Variants in RSPH10B2 observed in about 807,000 individuals in gnomAD.
The protein encoded by RSPH10B2 is radial spoke head 10 homolog B2.
Under a neutral mutation model 49.0 loss-of-function variants are expected in RSPH10B2, and 9 were observed. The ratio of observed to expected loss-of-function variants is 0.18; its 90% confidence interval spans 0.11 to 0.32. RSPH10B2 has a LOEUF of 0.32. Ranked by LOEUF, RSPH10B2 falls within the 10% of genes least tolerant of loss-of-function variation. RSPH10B2 has a pLI of 1.00. For synonymous variants in RSPH10B2, 35 were observed against 210.2 expected (o/e 0.17, Z 7.21); for missense variants, 95 against 589.9 (o/e 0.16, Z 8.69).
chr7:6,776,903 AC>A lies in RSPH10B2; in HGVS notation c.1414+358del, dbSNP rs1274164049. 1.8e-4 allele frequency among the ~76,000 whole-genome samples: 26 copies of A among 141,362 alleles called. 1 individual carries two copies. The highest frequency in any genetic ancestry group is 6.2e-4 in the African/African-American group (24 of 38,764). The allele number at this position is 141,362 out of a possible 152,430, so 92.7% of individuals were successfully genotyped here. On this transcript the variant is annotated intron_variant, in intron 10 of 18. Transcript: ENST00000297186. Reference sequence around the variant, plus strand: ...CACACACACACACACACACACACACACACACACACACACACACACACACAAA... The same window carrying A: ...CACACACACACACACACACACACACAACACACACACACACACACACACAAA...
chr7:6,781,792 G>A (rs1212195431), intron 13 of RSPH10B2, among the ~76,000 whole-genome samples: 3 of 110,756 alleles, frequency 2.7e-5, no homozygotes, highest in African/African-American at 3.5e-5. Flanking sequence ...CGAGGCGGGC[G>A]GATCACCTGA....
At chr7:6,779,685 T>A in exon 11 of RSPH10B2, 1 of 422,304 alleles carries the variant, frequency 2.4e-6, no homozygotes, top group East Asian at 4.8e-5. Flanking sequence ...TTGAATTACC[T>A]CCTGCATTTG....
intron 18 of RSPH10B2, among the ~76,000 whole-genome samples, chr7:6,797,864 A>ATAC (rs1370266545): frequency 2.8e-5 from 2 of 71,352 alleles, no homozygotes; most frequent in African/African-American, 1.4e-4. Context: ...AAAAAAAAAA[A>ATAC]ATACACACAC....
intron 18 of RSPH10B2, among the ~76,000 whole-genome samples, chr7:6,797,711 C>T (rs1474149625): frequency 6.6e-6 from 1 of 151,584 alleles, no homozygotes; most frequent in African/African-American, 2.4e-5. Flanking sequence ...AAAATTTAGC[C>T]AGATGTGGTG....
intron 7 of RSPH10B2, among the ~76,000 whole-genome samples, chr7:6,770,439 CGT>C (rs1781592482): frequency 9.9e-6 from 1 of 100,918 alleles, no homozygotes; most frequent in African/African-American, 3.9e-5. Context: ...GATGAAACCC[CGT>C]CTCTACTAAA....
intron 11 of RSPH10B2, among the ~76,000 whole-genome samples, chr7:6,780,012 G>A (rs1226237824): frequency 2.6e-5 from 3 of 116,378 alleles, no homozygotes; most frequent in Middle Eastern, 4.4e-3. Context: ...TAGTAGAGAC[G>A]GGGTTTCACC....
chr7:6,782,875 C>T lies in RSPH10B2; in HGVS notation c.1758+1399C>T, dbSNP rs1363302792. On this transcript the variant is annotated intron_variant, in intron 13 of 18. Coordinates refer to ENST00000297186, the Ensembl canonical transcript of RSPH10B2. ...TCCAGTCTAGGCAACAAGAGCAGAA[C>T]TCTGTCTCAAAAAAAAACTAAGGAA... Among the ~76,000 whole-genome samples, 3 of 120,458 alleles carry T rather than the reference C, an allele frequency of 2.5e-5. 1 individual carries two copies. The highest frequency in any genetic ancestry group is 1.8e-4 in the Admixed American group (2 of 11,038). The allele number at this position is 120,458 out of a possible 152,430, so 79.0% of individuals were successfully genotyped here.
chr7:6,764,704 GTTGT>G (rs1157396694), intron 4 of RSPH10B2, among the ~76,000 whole-genome samples: 1 of 148,446 alleles, frequency 6.7e-6, no homozygotes, highest in African/African-American at 2.5e-5. Flanking sequence ...TTGTGTTGTT[GTTGT>G]TGTGTGTGTG....
chr7:6,780,833 G>A lies in RSPH10B2; in HGVS notation c.1554G>A (p.Leu518=), dbSNP rs772483823. 3 of 1,499,562 alleles carry A rather than the reference G, an allele frequency of 2.0e-6. 1 individual carries two copies. Among genetic ancestry groups the A allele is most frequent in the Admixed American group, 2.0e-5 (1 of 50,098 alleles). 92.9% of individuals were successfully genotyped at this position (1,499,562 alleles called of 1,614,324 possible). The change falls in exon 12 of 19, where the codon TTG becomes TTA. Residue 518 remains leucine, a synonymous_variant. Coordinates refer to ENST00000297186, the Ensembl canonical transcript of RSPH10B2. Reference sequence around the variant, plus strand: ...GAAAGAGAAGCCCATCCCTCTTCTTGTGTTTTACAAAACTGATGACCGAGA... The same window carrying A: ...GAAAGAGAAGCCCATCCCTCTTCTTATGTTTTACAAAACTGATGACCGAGA...
At chr7:6,793,052 C>T (rs1182347142) in intron 17 of RSPH10B2, among the ~76,000 whole-genome samples, 2 of 107,594 alleles carry the variant, frequency 1.9e-5, no homozygotes, top group African/African-American at 3.8e-5. Flanking sequence ...TGAGCCCACC[C>T]GCCCCTGGGC....
At chr7:6,781,972 G>C (rs1184972936) in intron 13 of RSPH10B2, among the ~76,000 whole-genome samples, 1 of 110,596 alleles carries the variant, frequency 9.0e-6, no homozygotes, top group Non-Finnish European at 1.8e-5. Flanking sequence ...GGAGTGCAAT[G>C]AAGTGATCTT....
In RSPH10B2 at chr7:6,782,894, T is replaced by TCTGTCTCAAAAAAAAAA; in HGVS notation, c.1758+1418_1758+1419insCTGTCTCAAAAAAAAAA. Among the ~76,000 whole-genome samples the TCTGTCTCAAAAAAAAAA allele has an allele frequency of 2.4e-5, 3 of 122,530 alleles. 1 individual carries two copies. In the South Asian group the frequency reaches 1.0e-3, roughly 41 times the overall value. 80.4% of individuals were successfully genotyped at this position (122,530 alleles called of 152,430 possible). On this transcript the variant is annotated intron_variant, in intron 13 of 18. Coordinates refer to ENST00000297186, the Ensembl canonical transcript of RSPH10B2. The stretch of plus-strand genomic sequence containing the variant: ...GCAGAACTCTGTCTCAAAAAAAAAC[T>TCTGTCTCAAAAAAAAAA]AAGGAAGTGGGGAGGATGGATATCA...
intron 4 of RSPH10B2, among the ~76,000 whole-genome samples, chr7:6,764,423 C>G (rs1477615027): frequency 6.6e-6 from 1 of 150,824 alleles, no homozygotes. Flanking sequence ...TGCAATGGTG[C>G]CATCTCAGCT....
In RSPH10B2 at chr7:6,780,903, A is replaced by T. The variant is rs1307632688; in HGVS notation, c.1609+15A>T. 9.7e-6 allele frequency: 14 copies of T among 1,439,090 alleles called. 4 individuals carry two copies. The highest frequency in any genetic ancestry group is 1.2e-5 in the Non-Finnish European group (13 of 1,089,416). The allele number at this position is 1,439,090 out of a possible 1,614,324, so 89.1% of individuals were successfully genotyped here. ...CCAGATAAAAGGTAAATACAAAACC[A>T]ATAGGATTCTATTTACCGCCCCATT... On this transcript the variant is annotated intron_variant, in intron 12 of 18. Coordinates refer to ENST00000297186, the Ensembl canonical transcript of RSPH10B2.
In RSPH10B2 at chr7:6,796,870, T is replaced by G. The variant is rs1271628946; in HGVS notation, c.2432+104T>G. 5 of 661,204 alleles carry G rather than the reference T, an allele frequency of 7.6e-6. No individual in the cohort carries two copies. The African/African-American group carries it at 1.2e-4, about 16-fold the overall frequency. The allele number at this position is 661,204 out of a possible 1,614,324, so 41.0% of individuals were successfully genotyped here. On this transcript the variant is annotated intron_variant, in intron 18 of 18. Transcript: ENST00000297186. ...GACCAAGTGCTTTCCGGACAAGCCG[T>G]AATTTCCTATGGGCGTCGTTGACAT...
At chr7:6,779,877 G>T (rs1489044932) in intron 11 of RSPH10B2, among the ~76,000 whole-genome samples, 153 bp downstream of exon 13, 1 of 125,902 alleles carries the variant, frequency 7.9e-6, no homozygotes, top group African/African-American at 3.0e-5. Flanking sequence ...GCACAATCTT[G>T]GCTTACTGCA....
At chr7:6,776,923 AC>A (rs1781766986) in intron 10 of RSPH10B2, among the ~76,000 whole-genome samples, 1 of 134,884 alleles carries the variant, frequency 7.4e-6, no homozygotes, top group Non-Finnish European at 1.6e-5. Context: ...ACACACACAC[AC>A]ACAAAAGGCA....
intron 10 of RSPH10B2, among the ~76,000 whole-genome samples, chr7:6,777,047 T>C (rs1222020926): frequency 2.2e-5 from 1 of 44,470 alleles, no homozygotes; most frequent in Non-Finnish European, 3.7e-5. Flanking sequence ...ATCTGTTTTT[T>C]TGTTTTGTTT....
intron 1 of RSPH10B2, among the ~76,000 whole-genome samples, chr7:6,758,300 T>A (rs1781145855): frequency 6.7e-6 from 1 of 148,732 alleles, no homozygotes; most frequent in Admixed American, 6.7e-5. Flanking sequence ...TTTATGTATT[T>A]AAAAAAATTA....
Sources: allele counts gnomAD v4.1 joint callset (sites outside exome capture counted in the v4.1 genomes callset), GRCh38; gene constraint gnomAD v4.1.1; transcripts MANE v1.5; gene names NCBI Gene and HGNC (gene_info 2026-07-23, HGNC 2026-07-21).